The following RALA variants were observed in gnomAD, a reference collection of about 807,000 sequenced individuals.
RALA encodes ras-related protein Ral-A.
RALA carries 5 observed loss-of-function variants against 24.0 expected under a neutral mutation model. The ratio of observed to expected loss-of-function variants is 0.21; its 90% CI spans 0.11 to 0.44. The LOEUF is 0.44. Ranked by LOEUF, RALA falls within the 20% of genes least tolerant of loss-of-function variation. The pLI, the probability that RALA is intolerant of heterozygous loss-of-function variation, is 0.99. For synonymous variants in RALA, 77 were observed against 83.8 expected, an observed-to-expected ratio of 0.92 and a Z score of 0.44; for missense variants, 95 against 241.2, an observed-to-expected ratio of 0.39 and a Z score of 4.01.
intron 4 of RALA, among the ~76,000 whole-genome samples, chr7:39,702,829 A>G (rs1202231613): frequency 2.6e-5 from 4 of 152,256 alleles, no homozygotes; most frequent in South Asian, 2.1e-4. Flanking sequence ...GAAGTAAAAA[A>G]TAGAACAGAG....
At chr7:39,688,409 A>G (rs1347960972) in intron 2 of RALA, among the ~76,000 whole-genome samples, 1 of 144,380 alleles carries the variant, frequency 6.9e-6, no homozygotes, top group African/African-American at 2.6e-5. Flanking sequence ...AAAAAAAAAA[A>G]GTTTGTGGAG....
At position 39,682,495 on chromosome 7, in the gene RALA, C is replaced by T. The variant is rs914021679; in HGVS notation, c.-37-4136C>T. Among the ~76,000 whole-genome samples the T allele has an allele frequency of 5.3e-5, 8 of 152,362 alleles. No individual in the cohort carries two copies. In the South Asian group the frequency reaches 1.0e-3, roughly 20 times the overall value. ...TAAAAACTCCAGAGGCTTCCCATTG[C>T]AGTTCTAGTAAAATCCAAACACTTC... On this transcript the variant is annotated intron_variant, in intron 1 of 4. Transcript: ENST00000005257.
chr7:39,698,038 G>A (rs894364154), intron 4 of RALA, among the ~76,000 whole-genome samples: 7 of 151,904 alleles, frequency 4.6e-5, no homozygotes, highest in African/African-American at 7.3e-5. Flanking sequence ...GGAGGCTGGC[G>A]AGTCCAAGAT....
chr7:39,676,398 A>G (rs1227296080), intron 1 of RALA, among the ~76,000 whole-genome samples: 2 of 152,208 alleles, frequency 1.3e-5, no homozygotes, highest in East Asian at 3.8e-4. Flanking sequence ...GAAGCCTAAA[A>G]CAGGTTATGT....
At position 39,706,217 on chromosome 7, in the gene RALA, G is replaced by T. The variant is rs1433814025; in HGVS notation, c.593G>T (p.Arg198Ile). 9.9e-6 allele frequency: 16 copies of T among 1,609,272 alleles called. No individual in the cohort carries two copies. The highest frequency in any genetic ancestry group is 1.4e-5 in the Non-Finnish European group (16 of 1,179,056). The change falls in exon 5 of 5, where the codon AGA (arginine) becomes ATA (isoleucine). Residue 198 changes from arginine (R) to isoleucine (I), a missense_variant. Transcript: ENST00000005257. ...AAGAAGAGGAAAAGTTTAGCCAAGA[G>T]AATCAGAGAAAGATGCTGCATTTTA... ...GKKKRKSLAKRIRERCCIL is the reference protein window; with the variant it reads ...GKKKRKSLAKIIRERCCIL
At chr7:39,630,198 C>T (rs544503505) in intron 1 of RALA, among the ~76,000 whole-genome samples, 1 of 150,606 alleles carries the variant, frequency 6.6e-6, no homozygotes, top group Non-Finnish European at 1.5e-5. Flanking sequence ...TGCATGCCAC[C>T]ATGCCTTGCT....
chr7:39,706,097 A>G (rs1793116423), intron 4 of RALA, 26 bp from the exon 5 acceptor site: 1 of 1,579,352 alleles, frequency 6.3e-7, no homozygotes, highest in African/African-American at 1.4e-5. Flanking sequence ...TGTTTGCTTT[A>G]TTTATCCTAT....
At chr7:39,705,698 T>G (rs1793109512) in intron 4 of RALA, among the ~76,000 whole-genome samples, 1 of 151,900 alleles carries the variant, frequency 6.6e-6, no homozygotes, top group Non-Finnish European at 1.5e-5. Flanking sequence ...GGAAACCAAG[T>G]TATGAAATAT....
intron 1 of RALA, among the ~76,000 whole-genome samples, chr7:39,666,897 A>G (rs1792295362): frequency 6.6e-6 from 1 of 152,198 alleles, no homozygotes; most frequent in African/African-American, 2.4e-5. Context: ...GCTTTGATCA[A>G]TACATCTTCT....
chr7:39,657,210 C>G (rs1792114429), intron 1 of RALA, among the ~76,000 whole-genome samples: 1 of 152,148 alleles, frequency 6.6e-6, no homozygotes, highest in Non-Finnish European at 1.5e-5. Flanking sequence ...AGGTGATCTG[C>G]CCACCTCGGC....
chr7:39,662,000 C>T lies in RALA; in HGVS notation c.-37-24631C>T, dbSNP rs144658445. 5.4e-3 allele frequency among the ~76,000 whole-genome samples: 827 copies of T among 152,286 alleles called. 6 individuals carry two copies. The highest frequency in any genetic ancestry group is 0.011 in the Admixed American group (162 of 15,292). ...CTGTGCACTCACAGGCTCAACAACACGTGGAAGCAGCTGCCAAGGCTTGGG... is the reference window on the plus strand; with the variant it reads ...CTGTGCACTCACAGGCTCAACAACATGTGGAAGCAGCTGCCAAGGCTTGGG... On this transcript the variant is annotated intron_variant, in intron 1 of 4. Coordinates refer to ENST00000005257, the MANE Select transcript of RALA (RefSeq NM_005402.4).
chr7:39,638,869 CA>C (rs1247104705), intron 1 of RALA, among the ~76,000 whole-genome samples: 10 of 152,220 alleles, frequency 6.6e-5, no homozygotes, highest in Non-Finnish European at 1.0e-4. Flanking sequence ...TTTCATTTCT[CA>C]TGTATATATA....
chr7:39,686,564 C>G (rs1245828904), intron 1 of RALA, 67 bp from the exon 2 acceptor site: 1 of 907,378 alleles, frequency 1.1e-6, no homozygotes, highest in African/African-American at 1.6e-5. Flanking sequence ...AAGGACATAT[C>G]TCTTTCTTAC....
chr7:39,636,120 TG>T (rs1583705988), intron 1 of RALA, among the ~76,000 whole-genome samples: 1 of 152,232 alleles, frequency 6.6e-6, no homozygotes, highest in East Asian at 1.9e-4. Context: ...GATGGACATG[TG>T]GGTGTTTCTA....
At chr7:39,696,996 C>T in intron 4 of RALA, 137 bp downstream of exon 4, 1 of 822,712 alleles carries the variant, frequency 1.2e-6, no homozygotes, top group East Asian at 2.7e-5. Context: ...TCCCTGAATA[C>T]TCAGATACAT....
intron 1 of RALA, among the ~76,000 whole-genome samples, chr7:39,680,226 A>G (rs1792565098): frequency 6.6e-6 from 1 of 151,642 alleles, no homozygotes; most frequent in African/African-American, 2.4e-5. Flanking sequence ...AAAATTAGCC[A>G]GGTGTGGTGG....
chr7:39,691,748 A>T (rs1009622153), intron 3 of RALA, among the ~76,000 whole-genome samples: 2 of 152,228 alleles, frequency 1.3e-5, no homozygotes, highest in African/African-American at 4.8e-5. Context: ...GTTGGTTTCT[A>T]TGAGGAAGAA....
intron 1 of RALA, among the ~76,000 whole-genome samples, chr7:39,652,771 T>A (rs1792039073): frequency 6.6e-6 from 1 of 151,342 alleles, no homozygotes; most frequent in African/African-American, 2.4e-5. Flanking sequence ...TTAATTAATT[T>A]TATTATTATT....
chr7:39,680,612 T>G (rs1302358143), intron 1 of RALA, among the ~76,000 whole-genome samples: 1 of 151,988 alleles, frequency 6.6e-6, no homozygotes, highest in African/African-American at 2.4e-5. Flanking sequence ...ATCAGTTCTT[T>G]CATATTTTTT....
Sources: gnomAD v4.1 joint callset for allele counts (sites outside exome capture counted in the v4.1 genomes callset) on GRCh38, gnomAD v4.1.1 for gene constraint, MANE v1.5 for transcripts, NCBI Gene and HGNC (gene_info 2026-07-23, HGNC 2026-07-21) for gene names.